TAFA2: variants seen among roughly 807,000 people sequenced by gnomAD.
The protein encoded by TAFA2 is chemokine-like protein TAFA-2.
In TAFA2, 7 loss-of-function variants were observed where a neutral mutation model predicts 18.8. That is an observed-to-expected ratio of 0.37 (90% CI 0.21 to 0.70). The LOEUF is 0.70. Among genes scored for constraint, TAFA2 ranks in the 30% least tolerant of loss-of-function variants. The pLI is 0.53. For missense variants in TAFA2, 122 were observed against 158.1 expected (o/e 0.77, Z 1.23); for synonymous variants, 60 against 54.2 (o/e 1.11, Z -0.47).
chr12:61,736,491 T>A lies in TAFA2; in HGVS notation c.384+17131A>T, dbSNP rs529378347. Among the ~76,000 whole-genome samples the A allele has an allele frequency of 9.2e-5, 14 of 152,186 alleles. No individual in the cohort carries two copies. In the East Asian group the frequency reaches 2.7e-3, roughly 29 times the overall value. On this transcript the variant is annotated intron_variant, in intron 4 of 4. Transcript: ENST00000416284. ...TAATAATTGAAATTTATTATTGGTA[T>A]TTTTCTGCCTGCATAGTACTTCTGC...
intron 2 of TAFA2, among the ~76,000 whole-genome samples, chr12:61,802,986 C>T (rs972851507): frequency 6.6e-6 from 1 of 151,846 alleles, no homozygotes; most frequent in African/African-American, 2.4e-5. Flanking sequence ...TTCAATACTG[C>T]AAGCAATATA....
chr12:62,103,935 C>T (rs1193152900), intron 1 of TAFA2, among the ~76,000 whole-genome samples: 3 of 152,074 alleles, frequency 2.0e-5, no homozygotes, highest in Non-Finnish European at 4.4e-5. Context: ...CTCCTCTAAC[C>T]CTATTGTGCC....
At chr12:62,168,258 G>A (rs2062453483) in intron 1 of TAFA2, among the ~76,000 whole-genome samples, 1 of 152,124 alleles carries the variant, frequency 6.6e-6, no homozygotes, top group South Asian at 2.1e-4. Flanking sequence ...AATAGATTTA[G>A]GAACTGAGCA....
At chr12:62,136,383 G>A (rs936439026) in intron 1 of TAFA2, among the ~76,000 whole-genome samples, 2 of 152,016 alleles carry the variant, frequency 1.3e-5, no homozygotes, top group African/African-American at 4.8e-5. Flanking sequence ...TGATTCTTCT[G>A]TCAACCCTAA....
intron 1 of TAFA2, among the ~76,000 whole-genome samples, chr12:62,020,178 C>T (rs1881082773): frequency 6.6e-6 from 1 of 152,088 alleles, no homozygotes; most frequent in Admixed American, 6.5e-5. Context: ...TATACTGGTA[C>T]TAGGCACATA....
chr12:62,008,558 T>C (rs187480059), intron 1 of TAFA2, among the ~76,000 whole-genome samples: 1 of 152,288 alleles, frequency 6.6e-6, no homozygotes, highest in Non-Finnish European at 1.5e-5. Context: ...ATCTTCTAAG[T>C]CTAATTCTAA....
intron 4 of TAFA2, among the ~76,000 whole-genome samples, chr12:61,735,870 G>A (rs1448488217): frequency 6.6e-6 from 1 of 151,982 alleles, no homozygotes; most frequent in African/African-American, 2.4e-5. Context: ...TATTTGTGGA[G>A]TGATTGTGAG....
chr12:62,196,183 G>T (rs1166917919), upstream of TAFA2, among the ~76,000 whole-genome samples: 1 of 152,090 alleles, frequency 6.6e-6, no homozygotes, highest in Non-Finnish European at 1.5e-5. Context: ...TTATAGAATT[G>T]AAGAGAGTTA....
intron 4 of TAFA2, among the ~76,000 whole-genome samples, chr12:61,713,740 T>C (rs549538880): frequency 6.6e-6 from 1 of 152,312 alleles, no homozygotes; most frequent in African/African-American, 2.4e-5. Flanking sequence ...ATCAACCTTT[T>C]ATGATTTGTA....
intron 2 of TAFA2, among the ~76,000 whole-genome samples, chr12:61,864,079 T>C (rs967260837): frequency 2.0e-5 from 3 of 152,118 alleles, no homozygotes; most frequent in African/African-American, 7.2e-5. Flanking sequence ...ATAAATCACG[T>C]AAACAAGAAT....
intron 1 of TAFA2, among the ~76,000 whole-genome samples, chr12:61,898,343 G>A (rs767740117): frequency 7.9e-5 from 12 of 152,206 alleles, no homozygotes; most frequent in Non-Finnish European, 8.8e-5. Flanking sequence ...CTCCAGTGGG[G>A]ACTCTGTGTA....
At chr12:61,823,918 C>T (rs1872426899) in intron 2 of TAFA2, among the ~76,000 whole-genome samples, 1 of 152,126 alleles carries the variant, frequency 6.6e-6, no homozygotes, top group Non-Finnish European at 1.5e-5. Flanking sequence ...ACACCAACAC[C>T]TGGTGTCTAT....
intron 1 of TAFA2, chr12:61,879,760 C>T: frequency 1.5e-6 from 2 of 1,369,774 alleles, no homozygotes; most frequent in South Asian, 1.2e-5. Flanking sequence ...ACATCAACAA[C>T]CTTAGGTGGC....
chr12:61,835,938 C>T (rs1474812507), intron 2 of TAFA2, among the ~76,000 whole-genome samples: 2 of 151,928 alleles, frequency 1.3e-5, no homozygotes, highest in Non-Finnish European at 2.9e-5. Context: ...ATAGTAATTA[C>T]ACAATTGCCC....
intron 4 of TAFA2, among the ~76,000 whole-genome samples, chr12:61,714,118 C>T (rs1430462965): frequency 1.3e-5 from 2 of 152,026 alleles, no homozygotes; most frequent in African/African-American, 4.8e-5. Flanking sequence ...CATTTGCTAC[C>T]ATGAATGCAC....
intron 1 of TAFA2, among the ~76,000 whole-genome samples, chr12:62,125,782 T>C (rs1251745384): frequency 1.3e-5 from 2 of 152,118 alleles, no homozygotes; most frequent in African/African-American, 4.8e-5. Flanking sequence ...ACTGACCACC[T>C]GTATGACTTT....
At chr12:62,113,825 T>G (rs892785466) in intron 1 of TAFA2, among the ~76,000 whole-genome samples, 1 of 152,154 alleles carries the variant, frequency 6.6e-6, no homozygotes, top group Non-Finnish European at 1.5e-5. Context: ...GCCTCAGTAG[T>G]GCTGACCGCC....
chr12:62,188,677 A>G (rs1375781616), intron 1 of TAFA2, among the ~76,000 whole-genome samples: 16 of 152,184 alleles, frequency 1.1e-4, no homozygotes, highest in Admixed American at 1.0e-3. Context: ...TACATTTAAA[A>G]ATGATCATCA....
chr12:62,005,116 A>T (rs1475041077), intron 1 of TAFA2, among the ~76,000 whole-genome samples: 1 of 152,110 alleles, frequency 6.6e-6, no homozygotes, highest in East Asian at 1.9e-4. Flanking sequence ...AATGTGTAAG[A>T]TAAAGACTAT....
Sources: gnomAD v4.1 joint callset for allele counts (sites outside exome capture counted in the v4.1 genomes callset) on GRCh38, gnomAD v4.1.1 for gene constraint, MANE v1.5 for transcripts, NCBI Gene and HGNC (gene_info 2026-07-23, HGNC 2026-07-21) for gene names.